ALK: variants seen among roughly 807,000 people sequenced by gnomAD.
ALK encodes ALK tyrosine kinase receptor.
ALK carries 74 observed loss-of-function variants against 163.1 expected under a neutral mutation model. That is an observed-to-expected ratio of 0.45 (90% CI 0.38 to 0.55). ALK has a LOEUF of 0.55. Ranked by LOEUF, ALK falls within the 20% of genes least tolerant of loss-of-function variation. The pLI, the probability that ALK is intolerant of heterozygous loss-of-function variation, is 0.00. For synonymous variants in ALK, 960 were observed against 843.2 expected, an observed-to-expected ratio of 1.14 and a Z score of -2.40; for missense variants, 2,063 against 2,105.3, an observed-to-expected ratio of 0.98 and a Z score of 0.39.
chr2:29,795,001 A>G (rs1664270594), intron 1 of ALK, among the ~76,000 whole-genome samples: 3 of 152,212 alleles, frequency 2.0e-5, no homozygotes, highest in Admixed American at 2.0e-4. Context: ...CAAAGCACGA[A>G]AAATGGAAGT....
chr2:29,885,263 A>C (rs995355663), intron 1 of ALK, among the ~76,000 whole-genome samples: 3 of 152,114 alleles, frequency 2.0e-5, no homozygotes, highest in African/African-American at 7.2e-5. Flanking sequence ...CTCCAAACAC[A>C]ATGTCTGTAG....
At chr2:29,432,274 C>G (rs1670289841) in intron 4 of ALK, among the ~76,000 whole-genome samples, 1 of 152,084 alleles carries the variant, frequency 6.6e-6, no homozygotes, top group Non-Finnish European at 1.5e-5. Flanking sequence ...CTTGTGATAA[C>G]AATTGAGTTC....
intron 4 of ALK, among the ~76,000 whole-genome samples, chr2:29,440,430 C>T (rs931283980): frequency 2.0e-5 from 3 of 151,628 alleles, no homozygotes; most frequent in Admixed American, 6.6e-5. Context: ...AATTCTCCTG[C>T]CTCAGCCTCC....
At chr2:29,894,375 G>A (rs942354784) in intron 1 of ALK, among the ~76,000 whole-genome samples, 13 of 152,016 alleles carry the variant, frequency 8.6e-5, no homozygotes, top group Admixed American at 7.2e-4. Context: ...CTTGGGCAAG[G>A]GACAACCTCT....
At chr2:29,444,262 A>C (rs1573359401) in intron 4 of ALK, among the ~76,000 whole-genome samples, 1 of 152,156 alleles carries the variant, frequency 6.6e-6, no homozygotes, top group South Asian at 2.1e-4. Context: ...CAGGAACATG[A>C]AGGAAACTGA....
Position 29,227,124 on chromosome 2 carries a change from T to A in ALK, c.2915-50A>T. ...TCTTGGGCCGAGCCTGCCTCCCCAC[T>A]CCCAGCCTCAGTACTATGTCTCCAG... On this transcript the variant is annotated intron_variant, in intron 17 of 28. Transcript: ENST00000389048. The surrounding 1 kb of genome is among the most constrained non-coding windows in gnomAD (Gnocchi z 4.4). 1 of 1,613,084 alleles carries A rather than the reference T, an allele frequency of 6.2e-7. No homozygotes were observed. Among genetic ancestry groups the A allele is most frequent in the South Asian group, 1.1e-5 (1 of 90,996 alleles).
At chr2:29,870,864 G>T (rs1666559620) in intron 1 of ALK, among the ~76,000 whole-genome samples, 1 of 152,164 alleles carries the variant, frequency 6.6e-6, no homozygotes, top group South Asian at 2.1e-4. Context: ...TGAAGATTTA[G>T]ATCTCAGTTT....
In ALK at chr2:29,328,123, A is replaced by T. The variant is rs188637147; in HGVS notation, c.1414+227T>A. On this transcript the variant is annotated intron_variant, in intron 6 of 28. Coordinates refer to ENST00000389048, the MANE Select transcript of ALK (RefSeq NM_004304.5). Reference sequence around the variant, plus strand: ...TGAGGATGCTGATAGCATCACTTACAAGATCTTGTTTGGTTCTTGACTTAT... The same window carrying T: ...TGAGGATGCTGATAGCATCACTTACTAGATCTTGTTTGGTTCTTGACTTAT... Among the ~76,000 whole-genome samples the T allele has an allele frequency of 1.3e-3, 199 of 152,294 alleles. 3 individuals are homozygous for T. The East Asian group carries it at 0.032, about 24-fold the overall frequency.
At chr2:29,857,081 A>T (rs1188212560) in intron 1 of ALK, among the ~76,000 whole-genome samples, 1 of 152,188 alleles carries the variant, frequency 6.6e-6, no homozygotes. Context: ...ATGTCTGTGG[A>T]GTTAGAACTG....
At chr2:29,849,223 T>C (rs1370997143) in intron 1 of ALK, among the ~76,000 whole-genome samples, 1 of 152,202 alleles carries the variant, frequency 6.6e-6, no homozygotes, top group East Asian at 1.9e-4. Context: ...CTGCTGTCCC[T>C]TCTGTTTAGC....
chr2:29,660,976 A>G (rs967915316), intron 3 of ALK, among the ~76,000 whole-genome samples: 5 of 152,142 alleles, frequency 3.3e-5, no homozygotes, highest in African/African-American at 2.4e-5. Context: ...GACTTCTCCC[A>G]TGAAGTACTC....
chr2:29,629,484 G>A (rs1428441075), intron 3 of ALK, among the ~76,000 whole-genome samples: 2 of 152,140 alleles, frequency 1.3e-5, no homozygotes, highest in Admixed American at 6.6e-5. Context: ...CTACATACTG[G>A]TCAGAGTTTT....
intron 3 of ALK, among the ~76,000 whole-genome samples, chr2:29,574,542 T>A (rs1366610352): frequency 6.6e-6 from 1 of 152,262 alleles, no homozygotes; most frequent in Admixed American, 6.5e-5. Context: ...TGAGAAAGAC[T>A]CATATTTCAG....
chr2:29,508,892 G>A lies in ALK; in HGVS notation c.1154+23023C>T, dbSNP rs142524229. Among the ~76,000 whole-genome samples, 406 of 152,008 alleles carry A rather than the reference G, an allele frequency of 2.7e-3. 3 individuals are homozygous for A. The highest frequency in any genetic ancestry group is 5.5e-3 in the Admixed American group (84 of 15,252). On this transcript the variant is annotated intron_variant, in intron 4 of 28. Coordinates refer to ENST00000389048, the MANE Select transcript of ALK (RefSeq NM_004304.5). The stretch of plus-strand genomic sequence containing the variant: ...CCATCTAATTCAGCGTCTCCCAAGC[G>A]TGCCCAGTCATGGAGATCATCAAGG...
chr2:29,895,615 A>C (rs973192656), intron 1 of ALK, among the ~76,000 whole-genome samples: 3 of 152,184 alleles, frequency 2.0e-5, no homozygotes, highest in South Asian at 2.1e-4. Context: ...CTTTTAAATG[A>C]GTGTTGCATG....
chr2:29,768,552 T>G (rs1317673244), intron 1 of ALK, among the ~76,000 whole-genome samples: 2 of 152,156 alleles, frequency 1.3e-5, no homozygotes, highest in Admixed American at 1.3e-4. Flanking sequence ...TCCATTATAT[T>G]GGTATATAAA....
At chr2:29,710,988 A>G (rs1340334084) in intron 2 of ALK, among the ~76,000 whole-genome samples, 3 of 152,144 alleles carry the variant, frequency 2.0e-5, no homozygotes, top group African/African-American at 7.2e-5. Context: ...CTTGGTCAAC[A>G]TCTTTCCTTG....
chr2:29,752,532 T>C (rs995516783), intron 1 of ALK, among the ~76,000 whole-genome samples: 5 of 151,660 alleles, frequency 3.3e-5, no homozygotes, highest in African/African-American at 1.2e-4. Flanking sequence ...GTATTTTTAG[T>C]AGAGACGGGG....
At position 29,193,678 on chromosome 2, in the gene ALK, G is replaced by A. The variant is rs2148138408; in HGVS notation, c.4409C>T (p.Ala1470Val). The A allele has an allele frequency of 2.5e-6, 4 of 1,614,014 alleles. No individual in the cohort carries two copies. The highest frequency in any genetic ancestry group is 3.4e-6 in the Non-Finnish European group (4 of 1,179,882). The change falls in exon 29 of 29, where the codon GCC (alanine) becomes GTC (valine). Residue 1470 changes from alanine to valine, a missense_variant. By Grantham distance (64) the Ala-to-Val change is moderately conservative (BLOSUM62 0). Transcript: ENST00000389048. ...CATATTCACGTGTCCCCCTTCCACG[G>A]CCGGCCCTCTAGGGACTCGAACAGA... ...EISVRVPRGPAVEGGHVNMAF... is the reference protein window; with the variant it reads ...EISVRVPRGPVVEGGHVNMAF...
Sources: gnomAD v4.1 joint callset for allele counts (sites outside exome capture counted in the v4.1 genomes callset) on GRCh38, gnomAD v4.1.1 for gene constraint, Gnocchi (gnomAD v3.1) non-coding constraint, MANE v1.5 for transcripts, NCBI Gene and HGNC (gene_info 2026-07-23, HGNC 2026-07-21) for gene names.